VPS13B: variants seen among roughly 807,000 people sequenced by gnomAD.
The protein encoded by VPS13B is intermembrane lipid transfer protein VPS13B.
A neutral mutation model predicts 426.4 loss-of-function variants in VPS13B; 285 were observed. The ratio of observed to expected loss-of-function variants is 0.67; its 90% CI spans 0.61 to 0.74. VPS13B has a LOEUF of 0.74. Ranked by LOEUF, VPS13B falls within the 30% of genes least tolerant of loss-of-function variation. The probability of loss-of-function intolerance (pLI) is 0.00; values close to 1 mark genes in which losing one functional copy is unlikely to be tolerated. For synonymous variants in VPS13B, 1,676 were observed against 1,676.4 expected, an observed-to-expected ratio of 1.00 and a Z score of 0.01; for missense variants, 4,537 against 4,782.6, an observed-to-expected ratio of 0.95 and a Z score of 1.51.
intron 19 of VPS13B, among the ~76,000 whole-genome samples, chr8:99,316,728 G>C (rs1809680904): frequency 6.6e-6 from 1 of 151,954 alleles, no homozygotes; most frequent in Admixed American, 6.6e-5. Flanking sequence ...TTCTTTCTTA[G>C]AGGATCTATT....
chr8:99,458,195 G>T (rs980343810), intron 23 of VPS13B, among the ~76,000 whole-genome samples: 11 of 151,394 alleles, frequency 7.3e-5, no homozygotes, highest in African/African-American at 2.2e-4. Context: ...GTGATAGTTT[G>T]CTGAGAATGA....
At chr8:99,764,953 A>T (rs1811137289) in intron 39 of VPS13B, among the ~76,000 whole-genome samples, 1 of 152,240 alleles carries the variant, frequency 6.6e-6, no homozygotes. Flanking sequence ...CTAGGGGAAA[A>T]AAAAAGTTTT....
At chr8:99,250,664 CTTTTTTTTTTTTTTTTTTTTTTTTT>C (rs60698750) in intron 17 of VPS13B, among the ~76,000 whole-genome samples, 2 of 35,806 alleles carry the variant, frequency 5.6e-5, no homozygotes, top group East Asian at 1.1e-3. Context: ...TGTGTTTATT[CTTTTTTTTTTTTTTTTTTTTTTTTT>C]TTTTTTTTTT....
intron 59 of VPS13B, among the ~76,000 whole-genome samples, chr8:99,869,375 C>T (rs867113322): frequency 2.6e-5 from 4 of 152,232 alleles, no homozygotes; most frequent in Middle Eastern, 3.4e-3. Context: ...GCAGCCAGAT[C>T]GGGGCATAAA....
intron 2 of VPS13B, among the ~76,000 whole-genome samples, chr8:99,015,438 G>T (rs1005497598): frequency 8.0e-4 from 120 of 150,704 alleles, no homozygotes; most frequent in African/African-American, 2.8e-3. Flanking sequence ...GGATGGTCTC[G>T]ATCTCCTGAC....
intron 33 of VPS13B, among the ~76,000 whole-genome samples, chr8:99,582,264 C>A (rs531838463): frequency 7.3e-4 from 111 of 152,258 alleles, no homozygotes; most frequent in Non-Finnish European, 1.3e-3. Flanking sequence ...TGAATTTTAA[C>A]AACCAAATTT....
chr8:99,566,472 ACT>A (rs1825194622), intron 31 of VPS13B, among the ~76,000 whole-genome samples: 1 of 147,716 alleles, frequency 6.8e-6, no homozygotes, highest in African/African-American at 2.5e-5. Flanking sequence ...ATGGAGTCTC[ACT>A]CTGTCACTCA....
intron 55 of VPS13B, 126 bp downstream of exon 55, chr8:99,849,020 C>T: frequency 1.1e-6 from 1 of 923,666 alleles, no homozygotes; most frequent in Non-Finnish European, 1.7e-6. Context: ...TCATGTAATC[C>T]ATAAAAAATA....
At chr8:99,059,711 GT>G (rs1279126443) in intron 3 of VPS13B, among the ~76,000 whole-genome samples, 1 of 131,718 alleles carries the variant, frequency 7.6e-6, no homozygotes. Context: ...CTAAACTTTT[GT>G]TTTAGGTTTA....
chr8:99,838,725 A>G (rs1205012351), intron 54 of VPS13B, among the ~76,000 whole-genome samples: 2 of 152,262 alleles, frequency 1.3e-5, no homozygotes, highest in African/African-American at 2.4e-5. Flanking sequence ...TATGCAGGAA[A>G]GGTACAGTTG....
chr8:99,332,047 A>G (rs1409352749), intron 19 of VPS13B, among the ~76,000 whole-genome samples: 2 of 151,748 alleles, frequency 1.3e-5, no homozygotes, highest in Admixed American at 1.3e-4. Context: ...TGGCTGCTCC[A>G]GAAACGTAGA....
intron 21 of VPS13B, among the ~76,000 whole-genome samples, chr8:99,414,665 C>G (rs566832675): frequency 9.9e-5 from 15 of 152,190 alleles, no homozygotes; most frequent in Admixed American, 3.9e-4. Flanking sequence ...TTTATTTCTC[C>G]TTCGCTTATG....
chr8:99,705,300 A>T (rs1832455682), intron 36 of VPS13B, among the ~76,000 whole-genome samples: 1 of 152,164 alleles, frequency 6.6e-6, no homozygotes, highest in African/African-American at 2.4e-5. Flanking sequence ...AAATTATCTT[A>T]ACTTTTTTCA....
chr8:99,521,034 A>G (rs1822357560), intron 30 of VPS13B, 24 bp downstream of exon 30: 2 of 1,587,294 alleles, frequency 1.3e-6, no homozygotes, highest in Non-Finnish European at 1.7e-6. Context: ...CTTATGTCCA[A>G]TCTTGCAACA....
At chr8:99,461,123 C>T (rs16897368) in intron 23 of VPS13B, among the ~76,000 whole-genome samples, 3,074 of 151,774 alleles carry the variant, frequency 0.02, 112 homozygotes, top group African/African-American at 0.07. Context: ...TAACCCAAAT[C>T]CTCTTCTTTT....
At chr8:99,136,551 A>T in intron 11 of VPS13B, 114 bp from the exon 12 acceptor site, 1 of 1,030,612 alleles carries the variant, frequency 9.7e-7, no homozygotes, top group South Asian at 1.3e-5. Flanking sequence ...TCTTTTGGTC[A>T]TCCTTTGTGT....
At chr8:99,540,043 A>T (rs1563784996) in intron 30 of VPS13B, among the ~76,000 whole-genome samples, 2 of 3,018 alleles carry the variant, frequency 6.6e-4, no homozygotes, top group East Asian at 9.3e-3. Context: ...ATATATATAT[A>T]TATATATATA....
chr8:99,074,215 G>A (rs1030621327), intron 3 of VPS13B, among the ~76,000 whole-genome samples: 1 of 152,112 alleles, frequency 6.6e-6, no homozygotes, highest in Non-Finnish European at 1.5e-5. Flanking sequence ...CCTTTATTAT[G>A]TTGAGGTGTG....
At chr8:99,213,897 CT>C (rs1168565281) in intron 17 of VPS13B, among the ~76,000 whole-genome samples, 1 of 151,494 alleles carries the variant, frequency 6.6e-6, no homozygotes, top group Non-Finnish European at 1.5e-5. Context: ...ATGAATTTCC[CT>C]TTCTAGACTC....
Sources: gnomAD v4.1 joint callset for allele counts (sites outside exome capture counted in the v4.1 genomes callset) on GRCh38, gnomAD v4.1.1 for gene constraint, MANE v1.5 for transcripts, NCBI Gene and HGNC (gene_info 2026-07-23, HGNC 2026-07-21) for gene names.